The following TTC29 variants were observed in gnomAD, a reference collection of about 807,000 sequenced individuals.
TTC29 encodes the protein tetratricopeptide repeat domain 29.
TTC29 carries 49 observed loss-of-function variants against 58.1 expected under a neutral mutation model. That is an observed-to-expected ratio of 0.84 (90% CI 0.67 to 1.07). TTC29 has a LOEUF of 1.07. TTC29 is among the 50% of genes least tolerant of loss of function. The pLI is 0.00. For missense variants in TTC29, 582 were observed against 555.6 expected, an observed-to-expected ratio of 1.05 and a Z score of -0.48; for synonymous variants, 209 against 196.8, an observed-to-expected ratio of 1.06 and a Z score of -0.52.
Position 146,765,805 on chromosome 4 carries a change from AT to A in TTC29, c.1330+37651del, listed in dbSNP as rs562963726. ...AAATGATGATGATACTCTATGACTG[AT>A]TTTTTTTTAAAGGAACTTGGTCTGG... On this transcript the variant is annotated intron_variant, in intron 11 of 12. Coordinates refer to ENST00000325106, the MANE Select transcript of TTC29 (RefSeq NM_031956.4). Among the ~76,000 whole-genome samples, 69 of 151,816 alleles carry A rather than the reference AT, an allele frequency of 4.5e-4. 1 individual carries two copies. In the South Asian group the frequency reaches 0.013, roughly 29 times the overall value.
At chr4:146,909,331 G>T in intron 4 of TTC29, 82 bp from the exon 5 acceptor site, 1 of 1,128,140 alleles carries the variant, frequency 8.9e-7, no homozygotes, top group Non-Finnish European at 1.3e-6. Flanking sequence ...AATAATTAAA[G>T]GTTGAATCAT....
intron 6 of TTC29, among the ~76,000 whole-genome samples, chr4:146,894,116 A>G (rs1732585407): frequency 6.6e-6 from 1 of 152,106 alleles, no homozygotes; most frequent in Non-Finnish European, 1.5e-5. Context: ...GTGGAAGTCA[A>G]TATGGCGATT....
At chr4:146,868,521 G>A (rs917971397) in intron 7 of TTC29, among the ~76,000 whole-genome samples, 30 of 151,988 alleles carry the variant, frequency 2.0e-4, no homozygotes, top group Admixed American at 2.0e-4. Context: ...CTGCAATAAA[G>A]TTAGTCTTTC....
intron 11 of TTC29, among the ~76,000 whole-genome samples, chr4:146,799,408 T>C (rs776891191): frequency 2.6e-5 from 4 of 151,974 alleles, no homozygotes; most frequent in Admixed American, 6.6e-5. Context: ...AGTTCATGAA[T>C]GAAAAATACA....
At chr4:146,721,945 T>TAAAC (rs942662873) in intron 11 of TTC29, among the ~76,000 whole-genome samples, 1 of 152,118 alleles carries the variant, frequency 6.6e-6, no homozygotes, top group Non-Finnish European at 1.5e-5. Context: ...CTGGAACTGA[T>TAAAC]AAACAACTTC....
At chr4:146,860,721 A>T (rs1402764635) in intron 8 of TTC29, among the ~76,000 whole-genome samples, 3 of 152,196 alleles carry the variant, frequency 2.0e-5, no homozygotes, top group African/African-American at 7.2e-5. Context: ...TAATATTTTC[A>T]GACTGCGGTT....
At chr4:146,914,302 C>A (rs577435705) in intron 4 of TTC29, among the ~76,000 whole-genome samples, 150 of 152,178 alleles carry the variant, frequency 9.9e-4, no homozygotes, top group African/African-American at 3.4e-3. Flanking sequence ...TTGTTTTAAA[C>A]ACAAATAGAA....
At position 146,833,868 on chromosome 4, in the gene TTC29, T is replaced by C. The variant is rs773183065; in HGVS notation, c.915A>G (p.Thr305=). The C allele has an allele frequency of 1.9e-6, 3 of 1,613,054 alleles. No homozygotes were observed. The highest frequency in any genetic ancestry group is 2.7e-5 in the African/African-American group (2 of 74,916). Residue 305 remains threonine (T), a synonymous_variant, in exon 9 of 13, where the codon ACA becomes ACG. Coordinates refer to ENST00000325106, the MANE Select transcript of TTC29 (RefSeq NM_031956.4). ...CCAGACTGAGATCATCATCCAGGTC[T>C]GTGGAGATTTTACAGTAAGTGTCAA... ...TVLDTYCKIS[T]DLDDDLSLGR...
At chr4:146,882,654 G>A in intron 6 of TTC29, among the ~76,000 whole-genome samples, 1 of 152,090 alleles carries the variant, frequency 6.6e-6, no homozygotes, top group Admixed American at 6.6e-5. Flanking sequence ...TTTATATAAA[G>A]CACACTCAAT....
chr4:146,796,705 G>A (rs1035536239), intron 11 of TTC29, among the ~76,000 whole-genome samples: 4 of 151,900 alleles, frequency 2.6e-5, no homozygotes, highest in African/African-American at 9.7e-5. Flanking sequence ...ACATATTTAG[G>A]GTCATTGGCT....
intron 10 of TTC29, among the ~76,000 whole-genome samples, chr4:146,805,349 C>T (rs1219654909): frequency 1.3e-5 from 2 of 151,960 alleles, no homozygotes; most frequent in Non-Finnish European, 2.9e-5. Flanking sequence ...ATCATAACTC[C>T]TCACCAAAAA....
At chr4:146,859,925 CT>C (rs1403163203) in intron 8 of TTC29, among the ~76,000 whole-genome samples, 2 of 152,022 alleles carry the variant, frequency 1.3e-5, no homozygotes, top group Non-Finnish European at 2.9e-5. Context: ...TGCTGGATTT[CT>C]TTTCTTTTAA....
intron 8 of TTC29, among the ~76,000 whole-genome samples, chr4:146,847,925 A>AAATCCTCCC: frequency 6.6e-6 from 1 of 152,320 alleles, no homozygotes; most frequent in East Asian, 1.9e-4. Flanking sequence ...TTTGGTGCCT[A>AAATCCTCCC]AATCCTCCCA....
chr4:146,817,438 C>T (rs1751487968), intron 10 of TTC29, among the ~76,000 whole-genome samples: 1 of 152,070 alleles, frequency 6.6e-6, no homozygotes, highest in Non-Finnish European at 1.5e-5. Context: ...AAAGAGGATA[C>T]AAACAAATGG....
At chr4:146,829,152 G>A (rs1001508461) in intron 9 of TTC29, among the ~76,000 whole-genome samples, 10 of 152,212 alleles carry the variant, frequency 6.6e-5, no homozygotes, top group African/African-American at 1.9e-4. Context: ...ACATATATTC[G>A]GAGGAACAGG....
chr4:146,842,497 G>C (rs746547173), intron 8 of TTC29, among the ~76,000 whole-genome samples: 1 of 152,070 alleles, frequency 6.6e-6, no homozygotes, highest in Non-Finnish European at 1.5e-5. Flanking sequence ...CTACAGGTTA[G>C]CCATATTTGG....
intron 9 of TTC29, among the ~76,000 whole-genome samples, chr4:146,829,709 C>T (rs1056001841): frequency 6.6e-6 from 1 of 152,082 alleles, no homozygotes; most frequent in Non-Finnish European, 1.5e-5. Flanking sequence ...AATTTTCACA[C>T]TTGAAACTTT....
rs755927369 is a variant in TTC29, at chr4:146,803,686, C to T, written c.1102-1G>A. The T allele has an allele frequency of 4.9e-5, 77 of 1,558,516 alleles. No individual in the cohort carries two copies. The highest frequency in any genetic ancestry group is 6.1e-5 in the Non-Finnish European group (70 of 1,148,176). On this transcript the variant is annotated splice_acceptor_variant, in intron 10 of 12. Transcript: ENST00000325106. LOFTEE classifies it high-confidence loss of function. ...ATTCAGAAGCTTTGTTGTAGTATCCCTAAAAAGGTAAGAGAAATAATTTTC... is the reference window on the plus strand; with the variant it reads ...ATTCAGAAGCTTTGTTGTAGTATCCTTAAAAAGGTAAGAGAAATAATTTTC...
chr4:146,915,927 C>T (rs1233675767), intron 4 of TTC29, among the ~76,000 whole-genome samples: 1 of 151,800 alleles, frequency 6.6e-6, no homozygotes, highest in Admixed American at 6.6e-5. Flanking sequence ...AGATATGTAA[C>T]ATCTAATCAA....
Sources: allele counts gnomAD v4.1 joint callset (sites outside exome capture counted in the v4.1 genomes callset), GRCh38; gene constraint gnomAD v4.1.1; transcripts MANE v1.5; gene names NCBI Gene and HGNC (gene_info 2026-07-23, HGNC 2026-07-21).